SPECC1: variants seen among roughly 807,000 people sequenced by gnomAD.
The protein encoded by SPECC1 is sperm antigen with calponin homology and coiled-coil domains 1.
A neutral mutation model predicts 104.1 loss-of-function variants in SPECC1; 62 were observed. The ratio of observed to expected loss-of-function variants is 0.60; its 90% CI spans 0.49 to 0.74. The LOEUF (loss-of-function observed/expected upper bound fraction) is 0.74. SPECC1 is among the 30% of genes least tolerant of loss of function. The pLI, the probability that SPECC1 is intolerant of heterozygous loss-of-function variation, is 0.00. For synonymous variants in SPECC1, 513 were observed against 501.6 expected (o/e 1.02, Z -0.30); for missense variants, 1,306 against 1,310.5 (o/e 1.00, Z 0.05).
intron 13 of SPECC1, among the ~76,000 whole-genome samples, chr17:20,299,151 C>T (rs2041476310): frequency 6.6e-6 from 1 of 151,822 alleles, no homozygotes; most frequent in Non-Finnish European, 1.5e-5. Flanking sequence ...GGTGGAATTC[C>T]CTCTTCTTCA....
chr17:20,020,383 T>C lies in SPECC1; in HGVS notation c.-22+10959T>C. On this transcript the variant is annotated intron_variant, in intron 1 of 14. Coordinates refer to ENST00000395527, the MANE Select transcript of SPECC1 (RefSeq NM_001243439.2). ...CAGAGTCTTACTCTGTCACCCAGGC[T>C]GGAGTGCAATGGTGTGATCTCGGCT... 1.3e-5 allele frequency among the ~76,000 whole-genome samples: 2 copies of C among 152,242 alleles called. 1 individual carries two copies. Among genetic ancestry groups the C allele is most frequent in the Non-Finnish European group, 2.9e-5 (2 of 68,010 alleles).
chr17:20,306,576 C>G (rs1346468335), intron 14 of SPECC1, among the ~76,000 whole-genome samples: 2 of 152,194 alleles, frequency 1.3e-5, no homozygotes, highest in Non-Finnish European at 2.9e-5. Flanking sequence ...TTAGTGAAAG[C>G]AGAAATCTCT....
At chr17:20,267,451 A>G (rs1182758154) in intron 12 of SPECC1, among the ~76,000 whole-genome samples, 1 of 152,176 alleles carries the variant, frequency 6.6e-6, no homozygotes, top group Non-Finnish European at 1.5e-5. Context: ...AATTCTGAAG[A>G]TAACCCCCAT....
chr17:20,111,807 AGGG>A (rs36071279), intron 3 of SPECC1: 29 of 793,958 alleles, frequency 3.7e-5, no homozygotes, highest in Middle Eastern at 3.6e-4. Context: ...CTCAGGACCC[AGGG>A]GGGGGGCAGC....
At chr17:20,225,721 G>A (rs558378670) in intron 4 of SPECC1, among the ~76,000 whole-genome samples, 6 of 152,268 alleles carry the variant, frequency 3.9e-5, no homozygotes, top group African/African-American at 4.8e-5. Flanking sequence ...TTAAAACCAG[G>A]CACTGTGATC....
intron 12 of SPECC1, among the ~76,000 whole-genome samples, chr17:20,295,772 G>A (rs1221100184): frequency 6.6e-6 from 1 of 152,212 alleles, no homozygotes; most frequent in Non-Finnish European, 1.5e-5. Flanking sequence ...GATGGCCAGT[G>A]ATGATGAGCA....
intron 3 of SPECC1, among the ~76,000 whole-genome samples, chr17:20,194,217 G>A (rs1009752082): frequency 3.3e-5 from 5 of 152,122 alleles, no homozygotes; most frequent in African/African-American, 1.2e-4. Context: ...CCCATCATGG[G>A]TTTGTACCCT....
intron 1 of SPECC1, among the ~76,000 whole-genome samples, chr17:20,095,504 C>A (rs2047603464): frequency 6.6e-6 from 1 of 152,154 alleles, no homozygotes; most frequent in South Asian, 2.1e-4. Flanking sequence ...GGGTCGGGAA[C>A]TAGATGGTCG....
chr17:20,110,286 C>A (rs1267445543), intron 2 of SPECC1, 141 bp from the exon 3 acceptor site: 6 of 1,019,278 alleles, frequency 5.9e-6, no homozygotes, highest in Non-Finnish European at 8.7e-6. Context: ...TTTTTCACTT[C>A]ACTCTATCAT....
At chr17:20,306,796 A>G (rs901770118) in intron 14 of SPECC1, among the ~76,000 whole-genome samples, 10 of 152,242 alleles carry the variant, frequency 6.6e-5, no homozygotes, top group African/African-American at 2.4e-4. Context: ...TAGATGCAGG[A>G]AGCCCCTGGG....
At chr17:20,161,889 G>A (rs2033190155) in intron 3 of SPECC1, among the ~76,000 whole-genome samples, 1 of 151,044 alleles carries the variant, frequency 6.6e-6, no homozygotes. Context: ...CTGCCTCCCA[G>A]GTTCAAGAGA....
At chr17:20,111,926 C>T (rs1311512352) in intron 3 of SPECC1, 3 of 790,892 alleles carry the variant, frequency 3.8e-6, no homozygotes, top group Non-Finnish European at 7.0e-6. Flanking sequence ...CAGTGGTAAA[C>T]TTGGCATAAA....
chr17:20,298,984 G>GTGTGTGTGTGTGTGTGTGTGT (rs1395919924), intron 13 of SPECC1, among the ~76,000 whole-genome samples: 20 of 76,848 alleles, frequency 2.6e-4, no homozygotes, highest in South Asian at 6.5e-4. Flanking sequence ...TGTAGAGAGA[G>GTGTGTGTGTGTGTGTGTGTGT]AGAGAGAGAG....
chr17:20,187,699 C>A (rs1200020786), intron 3 of SPECC1, among the ~76,000 whole-genome samples: 1 of 152,154 alleles, frequency 6.6e-6, no homozygotes, highest in Non-Finnish European at 1.5e-5. Flanking sequence ...TCTCTTGCAA[C>A]CAAGAGATTT....
At chr17:20,178,035 G>T (rs1020641135) in intron 3 of SPECC1, among the ~76,000 whole-genome samples, 5 of 150,280 alleles carry the variant, frequency 3.3e-5, no homozygotes, top group Admixed American at 2.6e-4. Flanking sequence ...ATTTATTTTT[G>T]AGGCAGGGTC....
At chr17:20,096,947 A>C in intron 2 of SPECC1, 149 bp downstream of exon 2, 1 of 1,044,420 alleles carries the variant, frequency 9.6e-7, no homozygotes, top group Non-Finnish European at 1.4e-6. Context: ...ATGCCTGGAC[A>C]TGAAGGAATA....
intron 1 of SPECC1, among the ~76,000 whole-genome samples, chr17:20,015,616 G>C (rs1597563659): frequency 7.7e-6 from 1 of 130,406 alleles, no homozygotes. Flanking sequence ...GTGGAGTCTC[G>C]CTCTGTCGCC....
At chr17:20,245,860 CTG>C in intron 7 of SPECC1, 64 bp from the exon 8 acceptor site, 1 of 1,576,704 alleles carries the variant, frequency 6.3e-7, no homozygotes, top group Non-Finnish European at 8.7e-7. Flanking sequence ...CTGTTTTCCT[CTG>C]TGTCTTTTTC....
chr17:20,150,730 C>CT (rs2031930144), intron 3 of SPECC1, among the ~76,000 whole-genome samples: 1 of 151,106 alleles, frequency 6.6e-6, no homozygotes, highest in Middle Eastern at 3.5e-3. Context: ...AGAATAACTG[C>CT]TGAGCTTAAG....
Sources: gnomAD v4.1 joint callset for allele counts (sites outside exome capture counted in the v4.1 genomes callset) on GRCh38, gnomAD v4.1.1 for gene constraint, MANE v1.5 for transcripts, NCBI Gene and HGNC (gene_info 2026-07-23, HGNC 2026-07-21) for gene names.